Variants in CSE1L observed in about 807,000 individuals in gnomAD.
The protein encoded by CSE1L is chromosome segregation 1 like.
Under a neutral mutation model 120.4 loss-of-function variants are expected in CSE1L, and 24 were observed. That is an observed-to-expected ratio of 0.20 (90% confidence interval 0.14 to 0.28). The LOEUF (loss-of-function observed/expected upper bound fraction) is 0.28, where lower values mean the gene tolerates loss of function less well. Among genes scored for constraint, CSE1L ranks in the 10% least tolerant of loss-of-function variants. The pLI is 1.00. For synonymous variants in CSE1L, 402 were observed against 398.3 expected (o/e 1.01, Z -0.11); for missense variants, 830 against 1,145.2 (o/e 0.72, Z 3.97).
At chr20:49,095,249 TTTA>T (rs2092130938) in intron 24 of CSE1L, 1 of 407,998 alleles carries the variant, frequency 2.5e-6, no homozygotes, top group African/African-American at 2.1e-5. Context: ...TTGTCAGCAC[TTTA>T]TAATAAGAGT....
At chr20:49,063,516 A>G (rs1858032848) in intron 3 of CSE1L, among the ~76,000 whole-genome samples, 172 bp downstream of exon 3, 1 of 152,180 alleles carries the variant, frequency 6.6e-6, no homozygotes, top group Non-Finnish European at 1.5e-5. Context: ...TGATTGCACC[A>G]CTGTACTCTA....
At chr20:49,081,255 G>C (rs1035487810) in intron 14 of CSE1L, among the ~76,000 whole-genome samples, 4 of 151,668 alleles carry the variant, frequency 2.6e-5, no homozygotes, top group Non-Finnish European at 5.9e-5. Flanking sequence ...GAAAGTGCTG[G>C]GATTATAGGC....
chr20:49,083,891 G>A (rs2092032764), intron 14 of CSE1L, 135 bp from the exon 15 acceptor site: 3 of 839,656 alleles, frequency 3.6e-6, no homozygotes, highest in Non-Finnish European at 5.4e-6. Flanking sequence ...TTTCTGGGCA[G>A]CAGCATCTCC....
chr20:49,046,908 C>T (rs1158710110), intron 1 of CSE1L, among the ~76,000 whole-genome samples: 1 of 152,250 alleles, frequency 6.6e-6, no homozygotes. Context: ...GGCTGCCTCG[C>T]GTCGTCCCTT....
At chr20:49,090,326 G>C (rs2092091218) in intron 19 of CSE1L, among the ~76,000 whole-genome samples, 2 of 152,274 alleles carry the variant, frequency 1.3e-5, no homozygotes, top group South Asian at 4.1e-4. Context: ...GGGAGGCCGA[G>C]GTGGGCAGAT....
Position 49,096,432 on chromosome 20 carries a change from G to A in CSE1L, c.2910G>A (p.Leu970=). Residue 970 remains leucine, a synonymous_variant, in exon 25 of 25, where the codon CTG becomes CTA. Coordinates refer to ENST00000262982, the MANE Select transcript of CSE1L (RefSeq NM_001316.4). ...ACCTTCAGGCAGCCAGTGTGACACTGCTTTAAACTGCATTTTTCTAATGGG... is the reference window on the plus strand; with the variant it reads ...ACCTTCAGGCAGCCAGTGTGACACTACTTTAAACTGCATTTTTCTAATGGG... ...QGYLQAASVT[L]L is the part of the protein sequence containing the mutation. 1 of 1,612,720 alleles carries A rather than the reference G, an allele frequency of 6.2e-7. No individual in the cohort carries two copies. The highest frequency in any genetic ancestry group is 1.3e-5 in the African/African-American group (1 of 74,990).
intron 6 of CSE1L, among the ~76,000 whole-genome samples, chr20:49,067,919 T>C (rs1159715266): frequency 7.4e-6 from 1 of 134,554 alleles, no homozygotes; most frequent in East Asian, 2.2e-4. Context: ...TCTTTTTTTT[T>C]CCCTCTCTCT....
At chr20:49,075,297 T>TC in intron 11 of CSE1L, 21 bp from the exon 12 acceptor site, 1 of 1,580,846 alleles carries the variant, frequency 6.3e-7, no homozygotes, top group Non-Finnish European at 8.7e-7. Context: ...CCCCATAATA[T>TC]ATTTTCTTTT....
chr20:49,093,421 G>A (rs1234692775), intron 22 of CSE1L, among the ~76,000 whole-genome samples: 1 of 151,966 alleles, frequency 6.6e-6, no homozygotes, highest in East Asian at 1.9e-4. Context: ...ATGATTGGCC[G>A]AATTATTTTA....
At chr20:49,081,194 G>A (rs2145739448) in intron 14 of CSE1L, among the ~76,000 whole-genome samples, 1 of 152,154 alleles carries the variant, frequency 6.6e-6, no homozygotes, top group East Asian at 1.9e-4. Context: ...ATGTTGGCCA[G>A]ACTGGTCTCA....
Position 49,065,586 on chromosome 20 carries a change from A to ATTT in CSE1L, c.229-582_229-580dup, listed in dbSNP as rs1169151375. Among the ~76,000 whole-genome samples, 231 of 76,346 alleles carry ATTT rather than the reference A, an allele frequency of 3.0e-3. 19 individuals carry two copies. Among genetic ancestry groups the ATTT allele is most frequent in the Admixed American group, 4.8e-3 (27 of 5,582 alleles). The allele number at this position is 76,346 out of a possible 152,430, so 50.1% of individuals were successfully genotyped here. A position where few individuals can be genotyped will look rare whatever the true frequency, so the allele number is the denominator to read the frequency against. ...CCATCGCACCTGGCCTAAAATGGAA[A>ATTT]TTTTTTTTTTTTTTTTTTTTTTTTT... On this transcript the variant is annotated intron_variant, in intron 3 of 24. Coordinates refer to ENST00000262982, the MANE Select transcript of CSE1L (RefSeq NM_001316.4).
chr20:49,075,798 A>T (rs2091964429), intron 12 of CSE1L, among the ~76,000 whole-genome samples: 1 of 152,130 alleles, frequency 6.6e-6, no homozygotes, highest in African/African-American at 2.4e-5. Context: ...TTAATTGAGG[A>T]AAGTTTCTTT....
At chr20:49,060,356 G>T (rs969454419) in intron 2 of CSE1L, among the ~76,000 whole-genome samples, 2 of 151,396 alleles carry the variant, frequency 1.3e-5, no homozygotes, top group Non-Finnish European at 2.9e-5. Flanking sequence ...GTGGTGCACG[G>T]CTGTAGTCCC....
chr20:49,050,089 A>G (rs763331152), intron 1 of CSE1L, among the ~76,000 whole-genome samples: 4 of 152,166 alleles, frequency 2.6e-5, no homozygotes, highest in Non-Finnish European at 4.4e-5. Flanking sequence ...GGATTATAAC[A>G]TGCATATTTA....
At chr20:49,094,684 TC>T in intron 23 of CSE1L, 47 bp from the exon 24 acceptor site, 1 of 1,338,848 alleles carries the variant, frequency 7.5e-7, no homozygotes, top group Non-Finnish European at 1.1e-6. Flanking sequence ...TTTTAAGTCT[TC>T]CGAGTATTTT....
In CSE1L at chr20:49,078,598, A is replaced by G. The variant is rs1482834262; in HGVS notation, c.1458A>G (p.Lys486=). ...EFPVLKADGI[K]YIMIFRNQVP... Reference sequence around the variant, plus strand: ...CTGTCCTTAAAGCTGACGGTATCAAATATATTATGATTTTTAGAAATCAAG... The same window carrying G: ...CTGTCCTTAAAGCTGACGGTATCAAGTATATTATGATTTTTAGAAATCAAG... Residue 486 remains lysine, a synonymous_variant, in exon 14 of 25, where the codon AAA becomes AAG. Transcript: ENST00000262982. The G allele has an allele frequency of 6.4e-7, 1 of 1,569,768 alleles. No individual in the cohort carries two copies. Among genetic ancestry groups the G allele is most frequent in the Non-Finnish European group, 8.6e-7 (1 of 1,157,598 alleles).
chr20:49,046,650 G>A (rs896555698), intron 1 of CSE1L, among the ~76,000 whole-genome samples: 1 of 152,242 alleles, frequency 6.6e-6, no homozygotes, highest in South Asian at 2.1e-4. Context: ...GCCCAGGTGC[G>A]GCGACCCCAG....
chr20:49,086,068 C>G (rs938699390), intron 16 of CSE1L, among the ~76,000 whole-genome samples: 3 of 152,122 alleles, frequency 2.0e-5, no homozygotes, highest in African/African-American at 7.2e-5. Context: ...CTGCCAAGGA[C>G]ACAGGCAGCT....
chr20:49,047,559 CTTTTCTTT>C (rs2091726464), intron 1 of CSE1L, among the ~76,000 whole-genome samples: 3 of 61,096 alleles, frequency 4.9e-5, no homozygotes, highest in African/African-American at 2.0e-4. Flanking sequence ...TTTCTTTTCT[CTTTTCTTT>C]TTTTTTTTTT....
Sources: allele counts gnomAD v4.1 joint callset (sites outside exome capture counted in the v4.1 genomes callset), GRCh38; gene constraint gnomAD v4.1.1; transcripts MANE v1.5; gene names NCBI Gene and HGNC (gene_info 2026-07-23, HGNC 2026-07-21).